NOX4: variants seen among roughly 807,000 people sequenced by gnomAD.
NOX4 encodes the protein kidney oxidase-1.
Under a neutral mutation model 87.6 loss-of-function variants are expected in NOX4, and 69 were observed. The ratio of observed to expected loss-of-function variants is 0.79; its 90% CI spans 0.65 to 0.96. The LOEUF is 0.96. Among genes scored for constraint, NOX4 ranks in the 40% least tolerant of loss-of-function variants. NOX4 has a pLI of 0.00. For missense variants in NOX4, 680 were observed against 681.5 expected (o/e 1.00, Z 0.02); for synonymous variants, 275 against 238.2 (o/e 1.15, Z -1.42).
At chr11:89,518,599 G>A in the NOX4 span, among the ~76,000 whole-genome samples, 1 of 151,898 alleles carries the variant, frequency 6.6e-6, no homozygotes, top group African/African-American at 2.4e-5. Flanking sequence ...TGACATTCTG[G>A]TAACTAAAAC....
chr11:89,558,555 C>A, the NOX4 span, among the ~76,000 whole-genome samples: 2 of 152,074 alleles, frequency 1.3e-5, no homozygotes, highest in Non-Finnish European at 2.9e-5. Flanking sequence ...CCTCTTCTGT[C>A]CCTAGATTAT....
intron 8 of NOX4, among the ~76,000 whole-genome samples, chr11:89,410,371 C>T (rs1942411047): frequency 1.3e-5 from 2 of 152,124 alleles, no homozygotes; most frequent in South Asian, 4.2e-4. Context: ...ATTGGAAGAG[C>T]CTAGAAGGAC....
chr11:89,388,985 A>T (rs1591088396), intron 11 of NOX4, among the ~76,000 whole-genome samples: 1 of 152,322 alleles, frequency 6.6e-6, no homozygotes, highest in African/African-American at 2.4e-5. Flanking sequence ...TAAACAAAAG[A>T]TTATGTTAAT....
chr11:89,358,456 CACA>C (rs1197318327), intron 12 of NOX4, among the ~76,000 whole-genome samples: 45 of 132,810 alleles, frequency 3.4e-4, no homozygotes, highest in Non-Finnish European at 6.7e-4. Context: ...AGAAAGTAAA[CACA>C]GAACTTTAAA....
chr11:89,513,319 TAA>T, the NOX4 span, among the ~76,000 whole-genome samples: 2 of 142,052 alleles, frequency 1.4e-5, no homozygotes, highest in Admixed American at 7.1e-5. Context: ...AAACTCCGTC[TAA>T]AAAAAAAAAA....
At chr11:89,327,785 T>A (rs1193939440) in intron 17 of NOX4, among the ~76,000 whole-genome samples, 2 of 152,104 alleles carry the variant, frequency 1.3e-5, no homozygotes, top group African/African-American at 4.8e-5. Context: ...TTATTAAAAC[T>A]TTTTACCTTG....
intron 12 of NOX4, among the ~76,000 whole-genome samples, chr11:89,369,311 T>C (rs1466574061): frequency 6.6e-6 from 1 of 152,094 alleles, no homozygotes; most frequent in East Asian, 1.9e-4. Context: ...ACATAGGGTA[T>C]AGGTGAGGCT....
intron 17 of NOX4, among the ~76,000 whole-genome samples, chr11:89,329,376 G>GAAA (rs1554988054): frequency 1.3e-5 from 1 of 77,720 alleles, no homozygotes; most frequent in African/African-American, 4.1e-5. Flanking sequence ...AAAAAAAAAA[G>GAAA]AACAGAGCAT....
chr11:89,456,825 T>C (rs1591303426), intron 2 of NOX4, among the ~76,000 whole-genome samples: 1 of 151,980 alleles, frequency 6.6e-6, no homozygotes, highest in Admixed American at 6.6e-5. Context: ...ATGGCTAGGG[T>C]GCCCATCCCC....
intron 7 of NOX4, among the ~76,000 whole-genome samples, chr11:89,424,591 T>C (rs1022914081): frequency 2.0e-5 from 3 of 151,978 alleles, no homozygotes; most frequent in Non-Finnish European, 4.4e-5. Context: ...ATTTTTTAAT[T>C]CTACAATGTA....
the NOX4 span, among the ~76,000 whole-genome samples, chr11:89,522,822 C>T: frequency 6.6e-6 from 1 of 152,052 alleles, no homozygotes; most frequent in Non-Finnish European, 1.5e-5. Context: ...GAGTACTTCC[C>T]AGGCAACCAC....
chr11:89,411,491 A>G (rs1461437783), intron 8 of NOX4, among the ~76,000 whole-genome samples: 1 of 152,112 alleles, frequency 6.6e-6, no homozygotes, highest in East Asian at 1.9e-4. Context: ...AGGGGAATGC[A>G]TTATCCTGAA....
the NOX4 span, among the ~76,000 whole-genome samples, chr11:89,572,825 A>T: frequency 1.3e-5 from 2 of 152,164 alleles, no homozygotes; most frequent in Non-Finnish European, 2.9e-5. Context: ...TAGGCAGATA[A>T]CAACTGTCTT....
chr11:89,385,769 C>A (rs1940655869), intron 11 of NOX4, among the ~76,000 whole-genome samples: 2 of 152,150 alleles, frequency 1.3e-5, no homozygotes. Context: ...ACTCACATGA[C>A]CCGAGTCAGG....
intron 13 of NOX4, among the ~76,000 whole-genome samples, chr11:89,351,762 GA>G (rs1266652536): frequency 1.3e-5 from 2 of 150,158 alleles, no homozygotes; most frequent in Non-Finnish European, 3.0e-5. Context: ...GCCCACCAGA[GA>G]AAAAAAAAGA....
intron 3 of NOX4, among the ~76,000 whole-genome samples, chr11:89,450,436 G>A (rs369062669): frequency 1.3e-3 from 194 of 152,028 alleles, no homozygotes; most frequent in South Asian, 9.8e-3. Flanking sequence ...GAATCAACAC[G>A]CACACACACA....
At chr11:89,509,223 G>C in the NOX4 span, among the ~76,000 whole-genome samples, 1 of 135,910 alleles carries the variant, frequency 7.4e-6, no homozygotes, top group African/African-American at 2.7e-5. Flanking sequence ...AAGTTCAAAA[G>C]AAACAATATA....
chr11:89,494,044 C>T (rs955984780), upstream of NOX4, among the ~76,000 whole-genome samples: 17 of 152,226 alleles, frequency 1.1e-4, no homozygotes, highest in African/African-American at 3.4e-4. Flanking sequence ...CGTGAGCCAC[C>T]GTGCCTGGCC....
intron 13 of NOX4, among the ~76,000 whole-genome samples, chr11:89,347,294 C>T (rs1182825705): frequency 6.6e-6 from 1 of 152,146 alleles, no homozygotes; most frequent in Non-Finnish European, 1.5e-5. Context: ...TCTCTTCTGA[C>T]AGGATTTAGA....
Sources: gnomAD v4.1 joint callset for allele counts (sites outside exome capture counted in the v4.1 genomes callset) on GRCh38, gnomAD v4.1.1 for gene constraint, MANE v1.5 for transcripts, NCBI Gene and HGNC (gene_info 2026-07-23, HGNC 2026-07-21) for gene names.